Variants in ENAH observed in about 807,000 individuals in gnomAD.
The protein encoded by ENAH is protein enabled homolog.
Under a neutral mutation model 78.7 loss-of-function variants are expected in ENAH, and 23 were observed. That is an observed-to-expected ratio of 0.29 (90% CI 0.21 to 0.41). The LOEUF is 0.41. ENAH is among the 10% of genes least tolerant of loss of function. The pLI is 1.00. For missense variants in ENAH, 544 were observed against 691.0 expected (o/e 0.79, Z 2.39); for synonymous variants, 226 against 241.0 (o/e 0.94, Z 0.58).
rs142391829 is a variant in ENAH, at chr1:225,530,742, C to T, written c.350-104G>A. The T allele has an allele frequency of 1.5e-5, 13 of 893,306 alleles. No individual in the cohort carries two copies. In the African/African-American group the frequency reaches 1.7e-4, roughly 11 times the overall value. The allele number at this position is 893,306 out of a possible 1,614,324, so 55.3% of individuals were successfully genotyped here. ...CATAAAACCATCACATATTTACAAA[C>T]GTGTCTTCTTTTTGTCTAGCAAAAT... is the stretch of plus-strand genomic sequence containing the variant. On this transcript the variant is annotated intron_variant, in intron 3 of 13. Transcript: ENST00000366843.
chr1:225,610,893 G>A (rs955829470), intron 1 of ENAH, among the ~76,000 whole-genome samples: 2 of 152,110 alleles, frequency 1.3e-5, no homozygotes, highest in East Asian at 3.9e-4. Flanking sequence ...ATCAACCTTA[G>A]AATGAATAAA....
chr1:225,497,637 T>G lies in ENAH; in HGVS notation c.*138A>C. 2 of 662,672 alleles carry G rather than the reference T, an allele frequency of 3.0e-6. No homozygotes were observed. The highest frequency in any genetic ancestry group is 4.9e-6 in the Non-Finnish European group (2 of 405,242). The allele number at this position is 662,672 out of a possible 1,614,324, so 41.0% of individuals were successfully genotyped here. ...AATGTCTGAAGGCTTTCAGAGTAGG[T>G]TGGTTTTTCCCTCCTTCTGTTTGTC... is the stretch of plus-strand genomic sequence containing the variant. On this transcript the variant is annotated 3_prime_UTR_variant, in exon 14 of 14. Coordinates refer to ENST00000366843, the MANE Select transcript of ENAH (RefSeq NM_018212.6).
chr1:225,647,431 A>C (rs1421958701), intron 1 of ENAH, among the ~76,000 whole-genome samples: 1 of 152,224 alleles, frequency 6.6e-6, no homozygotes, highest in Non-Finnish European at 1.5e-5. Flanking sequence ...CAAAGGGCTT[A>C]GAATTTAGAC....
At chr1:225,507,930 C>A (rs747838323) in intron 11 of ENAH, 21 bp downstream of exon 11, 3 of 1,502,468 alleles carry the variant, frequency 2.0e-6, no homozygotes, top group South Asian at 2.6e-5. Context: ...AAATATAAAA[C>A]TTAGAGAAAA....
chr1:225,632,025 TTTTTG>T (rs1659179997), intron 1 of ENAH, among the ~76,000 whole-genome samples: 1 of 152,228 alleles, frequency 6.6e-6, no homozygotes, highest in Non-Finnish European at 1.5e-5. Flanking sequence ...TCACAAAACA[TTTTTG>T]TTTTTTCACA....
intron 4 of ENAH, chr1:225,524,693 G>A: frequency 1.1e-6 from 1 of 950,772 alleles, no homozygotes; most frequent in Non-Finnish European, 1.3e-6. Flanking sequence ...CAACTGCTCA[G>A]TTCTGTGCCG....
chr1:225,588,488 G>A (rs1042460279), intron 1 of ENAH, among the ~76,000 whole-genome samples: 10 of 152,208 alleles, frequency 6.6e-5, no homozygotes, highest in Non-Finnish European at 1.5e-4. Flanking sequence ...GCAATGGTGA[G>A]AGTATAAAAT....
chr1:225,571,922 T>C (rs1466609935), intron 1 of ENAH, among the ~76,000 whole-genome samples: 1 of 152,110 alleles, frequency 6.6e-6, no homozygotes, highest in Non-Finnish European at 1.5e-5. Context: ...CTAAATTATA[T>C]CCTTTATAAT....
At chr1:225,579,194 G>A (rs534868166) in intron 1 of ENAH, among the ~76,000 whole-genome samples, 30 of 152,250 alleles carry the variant, frequency 2.0e-4, no homozygotes, top group African/African-American at 6.5e-4. Flanking sequence ...GTCTGGACTT[G>A]CAACCACTCT....
chr1:225,619,334 G>A (rs1331220232), intron 1 of ENAH, among the ~76,000 whole-genome samples: 2 of 152,116 alleles, frequency 1.3e-5, no homozygotes, highest in African/African-American at 2.4e-5. Context: ...CTTGAGGTCA[G>A]GAGTTTGAGA....
In ENAH at chr1:225,506,414, G is replaced by C. The variant is rs191268613; in HGVS notation, c.1538+1537C>G. 3.1e-3 allele frequency among the ~76,000 whole-genome samples: 473 copies of C among 152,122 alleles called. 1 individual carries two copies. The highest frequency in any genetic ancestry group is 0.011 in the African/African-American group (459 of 41,506). ...TGTTAGCCAAGCTGGTCTCAAATTC[G>C]TGACCTCAAGTGATCTACCCACCTT... On this transcript the variant is annotated intron_variant, in intron 11 of 13. Transcript: ENST00000366843.
chr1:225,613,700 T>C (rs2097005320), intron 1 of ENAH, among the ~76,000 whole-genome samples: 2 of 152,188 alleles, frequency 1.3e-5, no homozygotes, highest in African/African-American at 4.8e-5. Flanking sequence ...TAAGGGATAA[T>C]GCTCTACTAC....
chr1:225,505,123 G>T, intron 11 of ENAH: 2 of 1,181,788 alleles, frequency 1.7e-6, no homozygotes, highest in Non-Finnish European at 2.5e-6. Flanking sequence ...TTATGTTACT[G>T]TTTTATAGGT....
chr1:225,530,439 T>G, intron 4 of ENAH, 115 bp downstream of exon 4: 1 of 774,972 alleles, frequency 1.3e-6, no homozygotes, highest in South Asian at 1.9e-5. Context: ...AATGTAAGAA[T>G]AAAAGTTGTG....
intron 13 of ENAH, 109 bp downstream of exon 13, chr1:225,498,238 G>A (rs2096260631): frequency 1.2e-6 from 1 of 837,982 alleles, no homozygotes; most frequent in African/African-American, 1.8e-5. Context: ...GACTATGGAA[G>A]TCATTGCCCT....
chr1:225,498,759 T>A (rs1478008133), intron 12 of ENAH, among the ~76,000 whole-genome samples: 18 of 152,192 alleles, frequency 1.2e-4, no homozygotes, highest in Non-Finnish European at 5.9e-5. Context: ...CAAAGGAAGT[T>A]TAGAGGAGGA....
chr1:225,536,165 T>A (rs1178188779), intron 3 of ENAH, among the ~76,000 whole-genome samples: 3 of 152,126 alleles, frequency 2.0e-5, no homozygotes, highest in Admixed American at 6.6e-5. Context: ...ATTTTTTTTC[T>A]CAATATATAT....
rs558546237 is a variant in ENAH, at chr1:225,499,620, T to A, written c.1618-1216A>T. Among the ~76,000 whole-genome samples, 231 of 151,752 alleles carry A rather than the reference T, an allele frequency of 1.5e-3. 1 individual carries two copies. The highest frequency in any genetic ancestry group is 5.2e-3 in the African/African-American group (216 of 41,356). On this transcript the variant is annotated intron_variant, in intron 12 of 13. Transcript: ENST00000366843. ...CCGGGAGGTGGAGGCTGCAGCGACC[T>A]GAGATTGCACTACTGCACTCCAGCC...
chr1:225,589,114 A>G (rs1201501392), intron 1 of ENAH, among the ~76,000 whole-genome samples: 1 of 152,154 alleles, frequency 6.6e-6, no homozygotes, highest in Non-Finnish European at 1.5e-5. Context: ...AAAAAAAGCT[A>G]ATCTATAGTA....
Sources: allele counts gnomAD v4.1 joint callset (sites outside exome capture counted in the v4.1 genomes callset), GRCh38; gene constraint gnomAD v4.1.1; transcripts MANE v1.5; gene names NCBI Gene and HGNC (gene_info 2026-07-23, HGNC 2026-07-21).